Variants in CD247 observed in about 807,000 individuals in gnomAD.
CD247 encodes T-cell surface glycoprotein CD3 zeta chain.
CD247 carries 13 observed loss-of-function variants against 30.0 expected under a neutral mutation model. That is an observed-to-expected ratio of 0.43 (90% confidence interval 0.28 to 0.69). CD247 has a LOEUF of 0.69. Ranked by LOEUF, CD247 falls within the 30% of genes least tolerant of loss-of-function variation. The probability of loss-of-function intolerance (pLI) is 0.16; values close to 1 mark genes in which losing one functional copy is unlikely to be tolerated. For missense variants in CD247, 193 were observed against 212.6 expected, an observed-to-expected ratio of 0.91 and a Z score of 0.57; for synonymous variants, 72 against 80.0, an observed-to-expected ratio of 0.90 and a Z score of 0.53.
At chr1:167,500,283 A>G (rs1173828242) in intron 1 of CD247, among the ~76,000 whole-genome samples, 2 of 152,198 alleles carry the variant, frequency 1.3e-5, no homozygotes, top group Non-Finnish European at 2.9e-5. Context: ...GACATGACCC[A>G]ATGCTTTATT....
intron 1 of CD247, among the ~76,000 whole-genome samples, chr1:167,458,976 A>G (rs1043672601): frequency 6.6e-6 from 1 of 151,860 alleles, no homozygotes; most frequent in East Asian, 1.9e-4. Context: ...TACAAAAAAA[A>G]AAAAATCTGT....
intron 1 of CD247, among the ~76,000 whole-genome samples, chr1:167,451,754 A>G (rs2102011322): frequency 6.6e-6 from 1 of 152,352 alleles, no homozygotes; most frequent in Non-Finnish European, 1.5e-5. Context: ...AGAGGTCACT[A>G]AGTTAAAATG....
intron 1 of CD247, among the ~76,000 whole-genome samples, chr1:167,479,505 G>C (rs764417622): frequency 6.6e-6 from 1 of 152,152 alleles, no homozygotes; most frequent in Non-Finnish European, 1.5e-5. Context: ...GCCTCCATCT[G>C]CCACACACTA....
intron 1 of CD247, among the ~76,000 whole-genome samples, chr1:167,492,747 A>G (rs1654506442): frequency 6.6e-6 from 1 of 152,144 alleles, no homozygotes; most frequent in African/African-American, 2.4e-5. Flanking sequence ...AGGGATGCCT[A>G]CCAGGGTAGG....
chr1:167,491,037 AT>A (rs1429659019), intron 1 of CD247, among the ~76,000 whole-genome samples: 16 of 152,288 alleles, frequency 1.1e-4, no homozygotes, highest in Middle Eastern at 6.8e-3. Context: ...AATTTGTCAC[AT>A]TTAAAATAGT....
At chr1:167,498,505 C>T (rs913091856) in intron 1 of CD247, among the ~76,000 whole-genome samples, 2 of 152,144 alleles carry the variant, frequency 1.3e-5, no homozygotes. Context: ...CTCTATTTGG[C>T]CTTTCTACCT....
At chr1:167,458,343 C>T (rs1652811443) in intron 1 of CD247, 1 of 152,522 alleles carries the variant, frequency 6.6e-6, no homozygotes, top group African/African-American at 2.4e-5. Flanking sequence ...AGGTCTTTCT[C>T]AGGTGAGGCC....
rs551506480 is a variant in CD247, at chr1:167,478,394, G to A, written c.59-37627C>T. 2.6e-5 allele frequency among the ~76,000 whole-genome samples: 4 copies of A among 152,376 alleles called. No individual in the cohort carries two copies. In the East Asian group the frequency reaches 7.7e-4, roughly 29 times the overall value. ...AGAATAGCAGAGATAAGAATGTTAA[G>A]CTTAGAAAAGACTTGAGGACTTTAA... On this transcript the variant is annotated intron_variant, in intron 1 of 7. Transcript: ENST00000362089.
intron 1 of CD247, among the ~76,000 whole-genome samples, chr1:167,517,443 A>C (rs920771284): frequency 6.6e-6 from 1 of 152,236 alleles, no homozygotes; most frequent in African/African-American, 2.4e-5. Flanking sequence ...AGATGCCACG[A>C]GGCTGATCCC....
intron 1 of CD247, among the ~76,000 whole-genome samples, chr1:167,486,872 AAGACCAG>A: frequency 6.6e-6 from 1 of 152,252 alleles, no homozygotes; most frequent in South Asian, 2.1e-4. Context: ...TCAGGAGTTC[AAGACCAG>A]TCTGGCCAAG....
chr1:167,447,466 A>G (rs1002736382), intron 1 of CD247, among the ~76,000 whole-genome samples: 2 of 152,086 alleles, frequency 1.3e-5, no homozygotes, highest in Admixed American at 6.6e-5. Flanking sequence ...TCAGAGTTAA[A>G]AAAAAAACTT....
chr1:167,444,620 G>A (rs1651985829), intron 1 of CD247, among the ~76,000 whole-genome samples: 1 of 152,170 alleles, frequency 6.6e-6, no homozygotes, highest in Non-Finnish European at 1.5e-5. Context: ...TAAGTGGCCT[G>A]GAGTGGAACC....
At chr1:167,507,574 C>G (rs529236871) in intron 1 of CD247, among the ~76,000 whole-genome samples, 3 of 152,236 alleles carry the variant, frequency 2.0e-5, no homozygotes, top group Admixed American at 2.0e-4. Flanking sequence ...TGGCTTATTC[C>G]TGTAATCCCA....
chr1:167,516,084 G>A (rs537544271), intron 1 of CD247, among the ~76,000 whole-genome samples: 3 of 152,218 alleles, frequency 2.0e-5, no homozygotes, highest in Admixed American at 6.5e-5. Flanking sequence ...TTTCTACCAC[G>A]TCCAGCCACC....
At position 167,431,236 on chromosome 1, in the gene CD247, G is replaced by A; in HGVS notation, c.*445C>T. ...GCCCAGTACAGTTACCTTGAAAGGA[G>A]GTGAAGGTGACAACAGAAGCCAAAT... On this transcript the variant is annotated 3_prime_UTR_variant, in exon 8 of 8. Coordinates refer to ENST00000362089, the MANE Select transcript of CD247 (RefSeq NM_198053.3). The A allele has an allele frequency of 2.0e-6, 1 of 508,528 alleles. No individual in the cohort carries two copies. The highest frequency in any genetic ancestry group is 2.9e-5 in the East Asian group (1 of 33,946). The allele number at this position is 508,528 out of a possible 1,614,324, so 31.5% of individuals were successfully genotyped here. A position where few individuals can be genotyped will look rare whatever the true frequency, so the allele number is the denominator to read the frequency against.
rs140597482 is a variant in CD247, at chr1:167,485,380, C to A, written c.58+33028G>T. Among the ~76,000 whole-genome samples the A allele has an allele frequency of 1.5e-4, 23 of 152,212 alleles. No homozygotes were observed. The East Asian group carries it at 4.4e-3, about 29-fold the overall frequency. On this transcript the variant is annotated intron_variant, in intron 1 of 7. Coordinates refer to ENST00000362089, the MANE Select transcript of CD247 (RefSeq NM_198053.3). ...TTGAGTGAATGAATGAATGGGATGG[C>A]CTGACCGCTTGACATTGCAGAAGGA... is the stretch of plus-strand genomic sequence containing the variant.
intron 1 of CD247, among the ~76,000 whole-genome samples, chr1:167,455,549 G>A (rs1451825854): frequency 6.6e-6 from 1 of 152,140 alleles, no homozygotes; most frequent in East Asian, 1.9e-4. Context: ...TACGGGAGCA[G>A]CAGCCCCGCC....
chr1:167,461,993 C>T (rs1653040829), intron 1 of CD247, among the ~76,000 whole-genome samples: 2 of 152,124 alleles, frequency 1.3e-5, no homozygotes, highest in Admixed American at 6.5e-5. Flanking sequence ...GGGAGGTGTG[C>T]CTGATAGGAT....
chr1:167,458,132 A>C (rs1652797781), intron 1 of CD247, among the ~76,000 whole-genome samples: 2 of 152,244 alleles, frequency 1.3e-5, no homozygotes, highest in Admixed American at 6.5e-5. Context: ...GTGTTAATAC[A>C]GTAATTTCTG....
Sources: gnomAD v4.1 joint callset for allele counts (sites outside exome capture counted in the v4.1 genomes callset) on GRCh38, gnomAD v4.1.1 for gene constraint, MANE v1.5 for transcripts, NCBI Gene and HGNC (gene_info 2026-07-23, HGNC 2026-07-21) for gene names.